The following COL3A1 variants were observed in gnomAD, a reference collection of about 807,000 sequenced individuals.
The protein encoded by COL3A1 is collagen alpha-1(III) chain.
A neutral mutation model predicts 200.9 loss-of-function variants in COL3A1; 46 were observed. The observed-to-expected ratio is 0.23, with a 90% confidence interval of 0.18 to 0.29. COL3A1 has a LOEUF of 0.29. Ranked by LOEUF, COL3A1 falls within the 10% of genes least tolerant of loss-of-function variation. The pLI, the probability that COL3A1 is intolerant of heterozygous loss-of-function variation, is 1.00. For missense variants in COL3A1, 1,367 were observed against 1,917.6 expected (o/e 0.71, Z 5.36); for synonymous variants, 650 against 628.0 (o/e 1.03, Z -0.52).
intron 41 of COL3A1, 86 bp from the exon 42 acceptor site, chr2:189,006,120 T>C: frequency 7.1e-7 from 1 of 1,404,624 alleles, no homozygotes. Flanking sequence ...CCCTTGAGAA[T>C]TATATTGCCC....
intron 35 of COL3A1, 130 bp downstream of exon 35, chr2:189,002,481 AC>A: frequency 2.6e-6 from 2 of 782,410 alleles, no homozygotes; most frequent in Non-Finnish European, 2.2e-6. Context: ...GGATTATTGT[AC>A]CCCTATTTTG....
intron 22 of COL3A1, 58 bp from the exon 23 acceptor site, chr2:188,996,067 G>A (rs1004160490): frequency 1.5e-5 from 22 of 1,460,450 alleles, no homozygotes; most frequent in African/African-American, 2.8e-5. Flanking sequence ...AATAGTGTAT[G>A]TAGTAATTTT....
At position 189,004,215 on chromosome 2, in the gene COL3A1, C is replaced by T. The variant is rs754182407; in HGVS notation, c.2824-42C>T. On this transcript the variant is annotated intron_variant, in intron 39 of 50. Transcript: ENST00000304636. ...ATCACAAATCGATTAGAGAAAAACA[C>T]TGTCACATAAAGATGAGCTAAGTCT... 3.1e-6 allele frequency: 5 copies of T among 1,603,936 alleles called. No individual in the cohort carries two copies. In the Admixed American group the frequency reaches 6.8e-5, roughly 22 times the overall value.
At chr2:188,985,144 A>C in intron 2 of COL3A1, 53 bp from the exon 3 acceptor site, 1 of 1,557,390 alleles carries the variant, frequency 6.4e-7, no homozygotes, top group Non-Finnish European at 8.9e-7. Context: ...TGGGTTACTA[A>C]ATAATATGCA....
intron 35 of COL3A1, among the ~76,000 whole-genome samples, chr2:189,002,714 G>A (rs1364793023): frequency 6.6e-6 from 1 of 152,104 alleles, no homozygotes; most frequent in Non-Finnish European, 1.5e-5. Flanking sequence ...TTAATCCTTA[G>A]AGACACTTCC....
chr2:189,002,183 C>G, intron 34 of COL3A1, 115 bp from the exon 35 acceptor site: 1 of 860,062 alleles, frequency 1.2e-6, no homozygotes, highest in Admixed American at 1.9e-5. Flanking sequence ...TTATTGGCTA[C>G]TCTGCACATT....
intron 1 of COL3A1, among the ~76,000 whole-genome samples, chr2:188,978,426 C>T (rs970260621): frequency 1.3e-5 from 2 of 151,950 alleles, no homozygotes; most frequent in Non-Finnish European, 2.9e-5. Flanking sequence ...ACATGCTGGA[C>T]CTTGAGTTGT....
chr2:189,007,400 G>A, intron 44 of COL3A1, 100 bp from the exon 45 acceptor site: 1 of 959,362 alleles, frequency 1.0e-6, no homozygotes, highest in Non-Finnish European at 1.6e-6. Flanking sequence ...TTTTTTAGCT[G>A]ATAGAAAGCC....
rs1688127315 is a variant in COL3A1 at position 188,989,301 on chromosome 2, AAGGAGGTTCCTTCC to A, written c.637-90_637-77del. On this transcript the variant is annotated intron_variant, in intron 7 of 50. Coordinates refer to ENST00000304636, the MANE Select transcript of COL3A1 (RefSeq NM_000090.4). ...CAGAAACATTAAAAGTATTTTCTAA[AAGGAGGTTCCTTCC>A]AGGAATACATACACTGTGTAATAAT... 9 of 847,730 alleles carry A rather than the reference AAGGAGGTTCCTTCC, an allele frequency of 1.1e-5. No individual in the cohort carries two copies. The South Asian group carries it at 1.5e-4, about 14-fold the overall frequency. 52.5% of individuals were successfully genotyped at this position (847,730 alleles called of 1,614,324 possible). A position where few individuals can be genotyped will look rare whatever the true frequency, so the allele number is the denominator to read the frequency against.
intron 8 of COL3A1, 52 bp from the exon 9 acceptor site, chr2:188,990,044 A>G: frequency 3.9e-6 from 6 of 1,528,774 alleles, no homozygotes; most frequent in Non-Finnish European, 4.5e-6. Context: ...TATTGGCTAC[A>G]ATGTATTTTC....
At chr2:189,009,453 G>A (rs1464841568) in intron 48 of COL3A1, among the ~76,000 whole-genome samples, 1 of 151,674 alleles carries the variant, frequency 6.6e-6, no homozygotes, top group African/African-American at 2.4e-5. Context: ...TTTTGTAGAA[G>A]TTGTAGTATA....
chr2:188,986,217 C>G (rs1688061515), intron 4 of COL3A1, among the ~76,000 whole-genome samples: 1 of 151,984 alleles, frequency 6.6e-6, no homozygotes, highest in African/African-American at 2.4e-5. Context: ...AGGATTATTT[C>G]TGCCTATGAA....
In COL3A1 at chr2:189,011,646, A is replaced by T. The variant is rs1415901923; in HGVS notation, c.4273A>T (p.Ser1425Cys). ...DGCTKHTGEWSKTVFEYRTRK... is the reference protein window; with the variant it reads ...DGCTKHTGEWCKTVFEYRTRK... ...TTTACAGAAACACACTGGGGAATGGAGCAAAACAGTCTTTGAATATCGAAC... is the reference window on the plus strand; with the variant it reads ...TTTACAGAAACACACTGGGGAATGGTGCAAAACAGTCTTTGAATATCGAAC... The change falls in exon 51 of 51, where the codon AGC (serine) becomes TGC (cysteine). Residue 1425 changes from serine to cysteine, a missense_variant. Transcript: ENST00000304636. The T allele has an allele frequency of 6.2e-7, 1 of 1,613,996 alleles. No homozygotes were observed. Among genetic ancestry groups the T allele is most frequent in the Non-Finnish European group, 8.5e-7 (1 of 1,179,904 alleles).
At chr2:188,977,454 A>G (rs1687845459) in intron 1 of COL3A1, among the ~76,000 whole-genome samples, 1 of 152,094 alleles carries the variant, frequency 6.6e-6, no homozygotes, top group African/African-American at 2.4e-5. Context: ...GGGAATTTGT[A>G]ACTTGCTCAG....
chr2:188,989,217 A>C (rs917685147), intron 7 of COL3A1, among the ~76,000 whole-genome samples, 179 bp from the exon 8 acceptor site: 1 of 150,618 alleles, frequency 6.6e-6, no homozygotes, highest in African/African-American at 2.5e-5. Flanking sequence ...AATTTTTATT[A>C]ACAGTAAGTT....
In COL3A1 at chr2:188,994,445, C is replaced by G. The variant is rs1688256290; in HGVS notation, c.1294-96C>G. 6.4e-7 allele frequency: 1 copy of G among 1,568,566 alleles called. No individual in the cohort carries two copies. Among genetic ancestry groups the G allele is most frequent in the Admixed American group, 1.7e-5 (1 of 59,180 alleles). ...CAGTTGAATTTATATTGACTTCACT[C>G]TTGTCTTATAACTTATAACTGAATT... On this transcript the variant is annotated intron_variant, in intron 18 of 50. Coordinates refer to ENST00000304636, the MANE Select transcript of COL3A1 (RefSeq NM_000090.4). The surrounding 1 kb of genome is among the most constrained non-coding windows in gnomAD (Gnocchi z 4.5).
At chr2:188,998,200 A>G (rs370280761) in intron 27 of COL3A1, 66 bp from the exon 28 acceptor site, 34 of 1,421,546 alleles carry the variant, frequency 2.4e-5, no homozygotes, top group Non-Finnish European at 3.3e-5. Context: ...ACATGTGTAC[A>G]TATGAGAAGC....
In COL3A1 at chr2:188,997,013, A is replaced by G. The variant is rs1297680548; in HGVS notation, c.1762-152A>G. The G allele has an allele frequency of 1.4e-4, 83 of 594,476 alleles. 1 individual carries two copies. Among genetic ancestry groups the G allele is most frequent in the East Asian group, 1.2e-3 (33 of 26,652 alleles). 36.8% of individuals were successfully genotyped at this position (594,476 alleles called of 1,614,324 possible). On this transcript the variant is annotated intron_variant, in intron 24 of 50. Coordinates refer to ENST00000304636, the MANE Select transcript of COL3A1 (RefSeq NM_000090.4). ...CAAAAATATGTATGTGTGTGTGTGT[A>G]TATATATATATGAGACATATATATA...
Position 189,009,289 on chromosome 2 carries a change from G to A in COL3A1, c.3823+68G>A, listed in dbSNP as rs181104237. The A allele has an allele frequency of 3.6e-3, 5,684 of 1,575,206 alleles. 21 individuals are homozygous for A. The highest frequency in any genetic ancestry group is 6.8e-3 in the Middle Eastern group (40 of 5,906). On this transcript the variant is annotated intron_variant, in intron 48 of 50. Transcript: ENST00000304636. ...GAGAAAGCTGCTTAGATTAGAATGG[G>A]AACGAAAAAACATCTACTTTCAATG...
Sources: gnomAD v4.1 joint callset for allele counts (sites outside exome capture counted in the v4.1 genomes callset) on GRCh38, gnomAD v4.1.1 for gene constraint, Gnocchi (gnomAD v3.1) non-coding constraint, MANE v1.5 for transcripts, NCBI Gene and HGNC (gene_info 2026-07-23, HGNC 2026-07-21) for gene names.